Variants in LRIG3 observed in about 807,000 individuals in gnomAD.
LRIG3 encodes the protein leucine rich repeats and immunoglobulin like domains 3.
Under a neutral mutation model 114.5 loss-of-function variants are expected in LRIG3, and 76 were observed. That is an observed-to-expected ratio of 0.66 (90% confidence interval 0.55 to 0.80). The LOEUF (loss-of-function observed/expected upper bound fraction) is 0.80. Ranked by LOEUF, LRIG3 falls within the 30% of genes least tolerant of loss-of-function variation. The probability of loss-of-function intolerance (pLI) is 0.00; values close to 1 mark genes in which losing one functional copy is unlikely to be tolerated. For synonymous variants in LRIG3, 512 were observed against 519.8 expected (o/e 0.98, Z 0.20); for missense variants, 1,239 against 1,382.8 (o/e 0.90, Z 1.65).
chr12:58,888,758 T>C lies in LRIG3; in HGVS notation c.803+61A>G, dbSNP rs917369088. On this transcript the variant is annotated intron_variant, in intron 6 of 18. Coordinates refer to ENST00000320743, the MANE Select transcript of LRIG3 (RefSeq NM_153377.5). ...AGGATTTCACATAAGACCTGCTGAA[T>C]GTACACTGAGCATTCTATGATCATA... 8.3e-6 allele frequency: 13 copies of C among 1,573,534 alleles called. No homozygotes were observed. In the African/African-American group the frequency reaches 1.1e-4, roughly 13 times the overall value.
chr12:58,916,397 T>C (rs557801983), intron 1 of LRIG3, among the ~76,000 whole-genome samples: 6 of 152,254 alleles, frequency 3.9e-5, no homozygotes, highest in Non-Finnish European at 8.8e-5. Flanking sequence ...TGACATTTAC[T>C]GCTAAATACT....
chr12:58,895,799 G>A (rs972140422), intron 3 of LRIG3, among the ~76,000 whole-genome samples: 1 of 152,206 alleles, frequency 6.6e-6, no homozygotes, highest in African/African-American at 2.4e-5. Flanking sequence ...ATGCAGGACA[G>A]ACGACAGAAG....
intron 3 of LRIG3, among the ~76,000 whole-genome samples, chr12:58,912,352 CG>C (rs1872315500): frequency 6.6e-6 from 1 of 152,094 alleles, no homozygotes; most frequent in Non-Finnish European, 1.5e-5. Context: ...AAAAACTAGC[CG>C]GGCGTAGTGG....
At position 58,888,023 on chromosome 12, in the gene LRIG3, A is replaced by G. The variant is rs1399608335; in HGVS notation, c.948-91T>C. On this transcript the variant is annotated intron_variant, in intron 7 of 18. Transcript: ENST00000320743. ...AAAAGACAGGTACTGTATGAGCTAC[A>G]CTAATCCTTATTTTTAAATTCTGCC... 5.4e-6 allele frequency: 6 copies of G among 1,112,592 alleles called. No homozygotes were observed. The South Asian group carries it at 8.4e-5, about 16-fold the overall frequency. 68.9% of individuals were successfully genotyped at this position (1,112,592 alleles called of 1,614,324 possible). A position where few individuals can be genotyped will look rare whatever the true frequency, so the allele number is the denominator to read the frequency against.
chr12:58,913,658 G>A, intron 3 of LRIG3: 1 of 207,092 alleles, frequency 4.8e-6, no homozygotes, highest in Non-Finnish European at 9.6e-6. Context: ...CAACCATTGA[G>A]CGATACTAAA....
Position 58,913,967 on chromosome 12 carries a change from C to T in LRIG3, c.383+15G>A, listed in dbSNP as rs1872378342. On this transcript the variant is annotated intron_variant, in intron 3 of 18. Transcript: ENST00000320743. ...CTGCAAACATACATGAGGAATTCTGCTGATATTCACTTACAAGGAGAGAAG... is the reference window on the plus strand; with the variant it reads ...CTGCAAACATACATGAGGAATTCTGTTGATATTCACTTACAAGGAGAGAAG... 1.2e-6 allele frequency: 2 copies of T among 1,605,356 alleles called. No individual in the cohort carries two copies. Among genetic ancestry groups the T allele is most frequent in the Admixed American group, 1.7e-5 (1 of 59,204 alleles).
rs373967597 is a variant in LRIG3 at position 58,874,437 on chromosome 12, A to G, written c.2832T>C (p.Tyr944=). 1.1e-5 allele frequency: 18 copies of G among 1,614,170 alleles called. No individual in the cohort carries two copies. The highest frequency in any genetic ancestry group is 1.0e-5 in the Non-Finnish European group (12 of 1,180,030). Reference sequence around the variant, plus strand: ...AGCAAGAAAACCACCTACCTGTATGATATGTTTCAAAAGGATCTGAGCCAT... The same window carrying G: ...AGCAAGAAAACCACCTACCTGTATGGTATGTTTCAAAAGGATCTGAGCCAT... The part of the protein sequence containing the change: ...NVYGSDPFET[Y]HTGCSPDPRT... Residue 944 remains tyrosine, a synonymous_variant, in exon 17 of 19, where the codon TAT becomes TAC. Coordinates refer to ENST00000320743, the MANE Select transcript of LRIG3 (RefSeq NM_153377.5).
At chr12:58,914,856 A>G (rs1226357533) in intron 1 of LRIG3, among the ~76,000 whole-genome samples, 1 of 152,184 alleles carries the variant, frequency 6.6e-6, no homozygotes, top group African/African-American at 2.4e-5. Flanking sequence ...TTTGTGTGTG[A>G]GTGTTGAGAG....
intron 3 of LRIG3, among the ~76,000 whole-genome samples, chr12:58,902,735 A>C (rs2120952755): frequency 6.8e-5 from 6 of 88,120 alleles, no homozygotes; most frequent in East Asian, 4.1e-4. Flanking sequence ...CCACCCCACA[A>C]CAGTCCCCAG....
chr12:58,873,935 GC>G, intron 18 of LRIG3, 119 bp downstream of exon 18: 1 of 1,161,518 alleles, frequency 8.6e-7, no homozygotes, highest in Non-Finnish European at 1.2e-6. Flanking sequence ...GGATGTCATG[GC>G]AGCCTCATTC....
At chr12:58,873,525 C>G (rs1209463209) in intron 18 of LRIG3, 1 of 159,104 alleles carries the variant, frequency 6.3e-6, no homozygotes, top group Non-Finnish European at 1.4e-5. Context: ...AATTCACTAC[C>G]TAATCTCAGT....
intron 5 of LRIG3, 122 bp from the exon 6 acceptor site, chr12:58,889,084 G>A: frequency 1.1e-6 from 1 of 930,272 alleles, no homozygotes; most frequent in Non-Finnish European, 1.6e-6. Context: ...AGTGTTTTCA[G>A]TTTCTAAACA....
rs546477707 is a variant in LRIG3 at position 58,874,962 on chromosome 12, T to C, written c.2696-389A>G. On this transcript the variant is annotated intron_variant, in intron 16 of 18. Transcript: ENST00000320743. ...TCAAAGATAAGCTCAGCTAAACATATCATCTCATGAGTATCTGAACCAAAC... is the reference window on the plus strand; with the variant it reads ...TCAAAGATAAGCTCAGCTAAACATACCATCTCATGAGTATCTGAACCAAAC... Among the ~76,000 whole-genome samples the C allele has an allele frequency of 8.5e-5, 13 of 152,306 alleles. 1 individual carries two copies. In the East Asian group the frequency reaches 2.5e-3, roughly 29 times the overall value.
chr12:58,897,367 C>T (rs59250665), intron 3 of LRIG3, among the ~76,000 whole-genome samples: 2 of 152,032 alleles, frequency 1.3e-5, no homozygotes, highest in Admixed American at 6.6e-5. Flanking sequence ...ATAAAGATGG[C>T]CATGTATTAA....
At position 58,874,355 on chromosome 12, in the gene LRIG3, G is replaced by A. The variant is rs1870841441; in HGVS notation, c.2840-25C>T. ...CCTTTTTAATATGGGGGCAGTAACAGAAGGAGATTACAGTTAGCACATCTA... is the reference window on the plus strand; with the variant it reads ...CCTTTTTAATATGGGGGCAGTAACAAAAGGAGATTACAGTTAGCACATCTA... On this transcript the variant is annotated intron_variant, in intron 17 of 18. Coordinates refer to ENST00000320743, the MANE Select transcript of LRIG3 (RefSeq NM_153377.5). 3.1e-6 allele frequency: 5 copies of A among 1,607,478 alleles called. No individual in the cohort carries two copies. In the Admixed American group the frequency reaches 8.5e-5, roughly 27 times the overall value.
At chr12:58,911,371 G>C (rs1872269287) in intron 3 of LRIG3, among the ~76,000 whole-genome samples, 1 of 152,096 alleles carries the variant, frequency 6.6e-6, no homozygotes, top group Non-Finnish European at 1.5e-5. Flanking sequence ...AGCTGGGAGG[G>C]GTCTTCATGG....
At chr12:58,919,657 C>A (rs1047362250) in intron 1 of LRIG3, 1 of 1,319,174 alleles carries the variant, frequency 7.6e-7, no homozygotes, top group African/African-American at 1.5e-5. Context: ...CCGCTTATCT[C>A]CCCTGGGCCT....
intron 1 of LRIG3, among the ~76,000 whole-genome samples, chr12:58,916,006 T>C (rs1306235483): frequency 2.0e-5 from 3 of 152,184 alleles, no homozygotes; most frequent in African/African-American, 7.2e-5. Flanking sequence ...GTTTCAGGTC[T>C]TAAAAAGAAA....
chr12:58,895,241 T>G (rs1229717344), intron 3 of LRIG3, among the ~76,000 whole-genome samples: 1 of 152,092 alleles, frequency 6.6e-6, no homozygotes, highest in Non-Finnish European at 1.5e-5. Context: ...GTGGGGAGGA[T>G]AGCAGGCAAC....
Sources: allele counts gnomAD v4.1 joint callset (sites outside exome capture counted in the v4.1 genomes callset), GRCh38; gene constraint gnomAD v4.1.1; transcripts MANE v1.5; gene names NCBI Gene and HGNC (gene_info 2026-07-23, HGNC 2026-07-21).